Variants in MOSMO observed in about 807,000 individuals in gnomAD.
MOSMO encodes modulator of smoothened protein.
A neutral mutation model predicts 18.4 loss-of-function variants in MOSMO; 5 were observed. The ratio of observed to expected loss-of-function variants is 0.27; its 90% confidence interval spans 0.14 to 0.57. The LOEUF is 0.57. Ranked by LOEUF, MOSMO falls within the 20% of genes least tolerant of loss-of-function variation. The pLI, the probability that MOSMO is intolerant of heterozygous loss-of-function variation, is 0.92. For missense variants in MOSMO, 138 were observed against 211.8 expected, an observed-to-expected ratio of 0.65 and a Z score of 2.16; for synonymous variants, 82 against 82.3, an observed-to-expected ratio of 1.00 and a Z score of 0.02.
At chr16:22,058,356 G>T (rs1182045427) in intron 1 of MOSMO, among the ~76,000 whole-genome samples, 3 of 151,732 alleles carry the variant, frequency 2.0e-5, no homozygotes, top group Admixed American at 2.0e-4. Flanking sequence ...AATCCAGGAG[G>T]CGGAGGTTGC....
intron 1 of MOSMO, among the ~76,000 whole-genome samples, chr16:22,060,795 A>G (rs1157851054): frequency 6.6e-6 from 1 of 151,684 alleles, no homozygotes; most frequent in Non-Finnish European, 1.5e-5. Flanking sequence ...ATCACTTGAA[A>G]CCAGCAGGCG....
intron 1 of MOSMO, among the ~76,000 whole-genome samples, chr16:22,022,766 C>T (rs555824496): frequency 6.6e-6 from 1 of 152,030 alleles, no homozygotes; most frequent in African/African-American, 2.4e-5. Flanking sequence ...GAGGTCTAGC[C>T]CACTTTGTGC....
At chr16:22,020,363 C>T (rs1275724953) in intron 1 of MOSMO, among the ~76,000 whole-genome samples, 10 of 134,434 alleles carry the variant, frequency 7.4e-5, no homozygotes, top group Non-Finnish European at 1.6e-4. Flanking sequence ...GGCTTGATCT[C>T]GGATCACTGC....
At chr16:22,009,804 C>CAAAAAAAAAAAAAAAAA (rs56313303) in intron 1 of MOSMO, among the ~76,000 whole-genome samples, 4 of 35,964 alleles carry the variant, frequency 1.1e-4, no homozygotes, top group African/African-American at 2.6e-4. Context: ...ACTAAAAATA[C>CAAAAAAAAAAAAAAAAA]AAAAAAAAAA....
Position 22,036,448 on chromosome 16 carries a change from G to T in MOSMO, c.106+28041G>T, listed in dbSNP as rs1241949641. 5.3e-5 allele frequency among the ~76,000 whole-genome samples: 8 copies of T among 151,914 alleles called. 1 individual carries two copies. Among genetic ancestry groups the T allele is most frequent in the Admixed American group, 4.6e-4 (7 of 15,248 alleles). ...GCCTAAAATTTTTATTTGTTTTTTGGTTTTTAGGGTTTTTTTAGAGGCAGG... is the reference window on the plus strand; with the variant it reads ...GCCTAAAATTTTTATTTGTTTTTTGTTTTTTAGGGTTTTTTTAGAGGCAGG... On this transcript the variant is annotated intron_variant, in intron 1 of 2. Coordinates refer to ENST00000542527, the MANE Select transcript of MOSMO (RefSeq NM_001164579.2).
chr16:22,081,431 A>G lies in MOSMO; in HGVS notation c.*551A>G, dbSNP rs1901078764. On this transcript the variant is annotated 3_prime_UTR_variant, in exon 3 of 3. Transcript: ENST00000542527. The stretch of plus-strand genomic sequence containing the variant: ...GTTGCATTACTGCACCAAGAAGCCA[A>G]TAGATCAAAACTTGTTTGCTAAAAT... The G allele has an allele frequency of 6.6e-6, 1 of 151,134 alleles. No individual in the cohort carries two copies. The highest frequency in any genetic ancestry group is 2.4e-5 in the African/African-American group (1 of 41,082). 9.4% of individuals were successfully genotyped at this position (151,134 alleles called of 1,614,324 possible).
In MOSMO at chr16:22,028,981, C is replaced by T. The variant is rs188317143; in HGVS notation, c.106+20574C>T. Among the ~76,000 whole-genome samples, 557 of 152,278 alleles carry T rather than the reference C, an allele frequency of 3.7e-3. 3 individuals carry two copies. Among genetic ancestry groups the T allele is most frequent in the Middle Eastern group, 6.8e-3 (2 of 294 alleles). ...CCACCTCCCAGGTTCAAGCGATTCT[C>T]CTGCCTCAGCCTCCTGAGTAGCTGG... On this transcript the variant is annotated intron_variant, in intron 1 of 2. Transcript: ENST00000542527.
chr16:22,050,671 C>T (rs750871859), intron 1 of MOSMO, among the ~76,000 whole-genome samples: 9 of 152,186 alleles, frequency 5.9e-5, no homozygotes, highest in South Asian at 2.1e-4. Flanking sequence ...AGGAGGATCA[C>T]TTGAGGCCAG....
Position 22,008,404 on chromosome 16 carries a change from G to T in MOSMO, c.103G>T (p.Ala35Ser), listed in dbSNP as rs1438227829. 11 of 1,531,440 alleles carry T rather than the reference G, an allele frequency of 7.2e-6. No individual in the cohort carries two copies. Among genetic ancestry groups the T allele is most frequent in the Non-Finnish European group, 9.6e-6 (11 of 1,144,608 alleles). 94.9% of individuals were successfully genotyped at this position (1,531,440 alleles called of 1,614,324 possible). ...NPDWINTGES[A>S]GALTVGLVRQ... ...GGACTGGATCAACACCGGGGAGTCT[G>T]CGGGTGAGCCGCTGGCGCGCCGGGC... is the stretch of plus-strand genomic sequence containing the variant. Residue 35 changes from alanine to serine, a missense_variant, in exon 1 of 3, where the codon GCG becomes TCG. Physicochemically the swap from Ala to Ser is moderately conservative, Grantham distance 99. Transcript: ENST00000542527.
intron 1 of MOSMO, among the ~76,000 whole-genome samples, chr16:22,017,528 C>T (rs1052033159): frequency 6.6e-5 from 10 of 152,022 alleles, no homozygotes; most frequent in Admixed American, 3.3e-4. Flanking sequence ...AAACCTGATC[C>T]GATTGATAAC....
At chr16:22,027,089 A>G (rs753903882) in intron 1 of MOSMO, among the ~76,000 whole-genome samples, 9 of 152,238 alleles carry the variant, frequency 5.9e-5, no homozygotes, top group Non-Finnish European at 1.2e-4. Context: ...GGATTTCAAT[A>G]TAATTTTAAA....
At chr16:22,016,168 A>G (rs956911166) in intron 1 of MOSMO, among the ~76,000 whole-genome samples, 2 of 152,084 alleles carry the variant, frequency 1.3e-5, no homozygotes, top group Non-Finnish European at 2.9e-5. Flanking sequence ...GCATATCTCT[A>G]TTTGATTCTT....
At chr16:22,046,833 A>G (rs1900318173) in intron 1 of MOSMO, among the ~76,000 whole-genome samples, 1 of 152,134 alleles carries the variant, frequency 6.6e-6, no homozygotes, top group African/African-American at 2.4e-5. Context: ...CTACACGTGG[A>G]TTACGTCCTC....
intron 1 of MOSMO, among the ~76,000 whole-genome samples, chr16:22,020,855 A>G (rs1248297763): frequency 6.6e-6 from 1 of 152,186 alleles, no homozygotes; most frequent in Non-Finnish European, 1.5e-5. Flanking sequence ...CATTCCTCCT[A>G]TGTGATATAG....
In MOSMO at chr16:22,043,017, CTGTCCAGCCACTTTTATTTTT is replaced by C. The variant is rs1364628455; in HGVS notation, c.107-32469_107-32449del. On this transcript the variant is annotated intron_variant, in intron 1 of 2. Transcript: ENST00000542527. Reference sequence around the variant, plus strand: ...ATATCATGCTGCATTTGGTGGGATACTGTCCAGCCACTTTTATTTTTATGCATAAATTAACAGTGGGACTAT... The same window carrying C: ...ATATCATGCTGCATTTGGTGGGATACATGCATAAATTAACAGTGGGACTAT... 9.9e-4 allele frequency among the ~76,000 whole-genome samples: 151 copies of C among 152,322 alleles called. 3 individuals are homozygous for C. In the East Asian group the frequency reaches 0.026, roughly 26 times the overall value.
intron 1 of MOSMO, among the ~76,000 whole-genome samples, chr16:22,044,798 A>G (rs1900275922): frequency 6.6e-6 from 1 of 152,144 alleles, no homozygotes. Context: ...CCATTATTCT[A>G]TGCTACCTTT....
intron 1 of MOSMO, among the ~76,000 whole-genome samples, chr16:22,010,337 C>T (rs1216253612): frequency 1.3e-5 from 2 of 152,094 alleles, no homozygotes; most frequent in Non-Finnish European, 2.9e-5. Context: ...TGTTGCTGCC[C>T]GACAACTTAA....
intron 1 of MOSMO, among the ~76,000 whole-genome samples, chr16:22,032,640 G>A (rs1900019053): frequency 6.6e-6 from 1 of 152,088 alleles, no homozygotes; most frequent in Admixed American, 6.5e-5. Context: ...TCGAATTCCT[G>A]GGCTCAAGGT....
At chr16:22,085,838 T>C (rs1198299956), downstream of MOSMO, 4 of 152,170 alleles carry the variant, frequency 2.6e-5, no homozygotes, top group African/African-American at 4.8e-5. Context: ...AAGAAAACAC[T>C]GTGGGTTGGT....
Sources: allele counts gnomAD v4.1 joint callset (sites outside exome capture counted in the v4.1 genomes callset), GRCh38; gene constraint gnomAD v4.1.1; transcripts MANE v1.5; gene names NCBI Gene and HGNC (gene_info 2026-07-23, HGNC 2026-07-21).